The following CHN2 variants were observed in gnomAD, a reference collection of about 807,000 sequenced individuals.
The protein encoded by CHN2 is chimerin 2, also known as beta-chimaerin.
In CHN2, 35 loss-of-function variants were observed where a neutral mutation model predicts 56.3. The observed-to-expected ratio is 0.62, with a 90% confidence interval of 0.47 to 0.82. The LOEUF is 0.82. Ranked by LOEUF, CHN2 falls within the 40% of genes least tolerant of loss-of-function variation. CHN2 has a pLI of 0.00. For missense variants in CHN2, 491 were observed against 580.5 expected (o/e 0.85, Z 1.58); for synonymous variants, 210 against 212.8 (o/e 0.99, Z 0.12).
chr7:29,185,892 G>A (rs1304657279), intron 2 of CHN2, among the ~76,000 whole-genome samples: 1 of 152,184 alleles, frequency 6.6e-6, no homozygotes, highest in Non-Finnish European at 1.5e-5. Flanking sequence ...TGTCCTATGT[G>A]TTGGTCCCTC....
rs570062273 is a variant in CHN2 at position 29,233,349 on chromosome 7, C to T, written c.49+38359C>T. The stretch of plus-strand genomic sequence containing the variant: ...TGTCTTCATCTTTTATTGTTGTCAC[C>T]TGGTGAGGACCACATCAGAAAGTTT... On this transcript the variant is annotated intron_variant, in intron 1 of 12. Coordinates refer to ENST00000222792, the MANE Select transcript of CHN2 (RefSeq NM_004067.4). 1.2e-4 allele frequency among the ~76,000 whole-genome samples: 19 copies of T among 152,318 alleles called. No homozygotes were observed. In the South Asian group the frequency reaches 3.9e-3, roughly 32 times the overall value.
intron 1 of CHN2, among the ~76,000 whole-genome samples, chr7:29,297,578 T>TG (rs1793281369): frequency 6.6e-6 from 1 of 151,466 alleles, no homozygotes; most frequent in Non-Finnish European, 1.5e-5. Flanking sequence ...CGAAACAAGG[T>TG]GGGGGGAGGG....
intron 7 of CHN2, among the ~76,000 whole-genome samples, chr7:29,491,096 A>T (rs1308052215): frequency 2.0e-5 from 3 of 152,126 alleles, no homozygotes; most frequent in Non-Finnish European, 4.4e-5. Flanking sequence ...GGTAAAAATA[A>T]ATCTCTATTA....
chr7:29,351,870 C>T (rs940821872), intron 1 of CHN2, among the ~76,000 whole-genome samples: 1 of 152,188 alleles, frequency 6.6e-6, no homozygotes, highest in African/African-American at 2.4e-5. Context: ...GAGGATTTTA[C>T]ACCAGGAAGT....
At position 29,271,444 on chromosome 7, in the gene CHN2, T is replaced by G. The variant is rs566273624; in HGVS notation, c.49+76454T>G. On this transcript the variant is annotated intron_variant, in intron 1 of 12. Transcript: ENST00000222792. ...AATTCAAAAACGTTCCCAGTCCCTTTCCGTTTCTCAGACGCCCTCTGGGCT... is the reference window on the plus strand; with the variant it reads ...AATTCAAAAACGTTCCCAGTCCCTTGCCGTTTCTCAGACGCCCTCTGGGCT... 3.9e-5 allele frequency among the ~76,000 whole-genome samples: 6 copies of G among 152,340 alleles called. No individual in the cohort carries two copies. In the East Asian group the frequency reaches 1.2e-3, roughly 29 times the overall value.
intron 6 of CHN2, among the ~76,000 whole-genome samples, chr7:29,446,416 T>C (rs190769780): frequency 6.6e-6 from 1 of 152,210 alleles, no homozygotes; most frequent in Non-Finnish European, 1.5e-5. Context: ...TGTGTATCTA[T>C]ATCTCAAAAG....
intron 1 of CHN2, among the ~76,000 whole-genome samples, chr7:29,322,492 C>T (rs944608233): frequency 2.0e-5 from 3 of 152,118 alleles, no homozygotes; most frequent in African/African-American, 4.8e-5. Flanking sequence ...CCTCTTCCTA[C>T]TCCTCCTCCT....
chr7:29,465,858 A>G (rs762836688), intron 6 of CHN2, among the ~76,000 whole-genome samples: 1 of 152,214 alleles, frequency 6.6e-6, no homozygotes, highest in Non-Finnish European at 1.5e-5. Flanking sequence ...AAATTAAACT[A>G]GAAAACTTTT....
At chr7:29,201,078 C>T (rs1029032845) in intron 1 of CHN2, among the ~76,000 whole-genome samples, 1 of 152,220 alleles carries the variant, frequency 6.6e-6, no homozygotes, top group Non-Finnish European at 1.5e-5. Context: ...AACAGTTTGG[C>T]CTGTCAAAAT....
chr7:29,221,364 CTT>C (rs879632163), intron 1 of CHN2, among the ~76,000 whole-genome samples: 1 of 152,170 alleles, frequency 6.6e-6, no homozygotes, highest in Non-Finnish European at 1.5e-5. Context: ...AATCAAGTCT[CTT>C]TATACTAGCA....
At chr7:29,500,978 G>A (rs2128579356) in intron 9 of CHN2, among the ~76,000 whole-genome samples, 1 of 152,274 alleles carries the variant, frequency 6.6e-6, no homozygotes, top group East Asian at 1.9e-4. Flanking sequence ...TAATTTGGGT[G>A]ATTTGGCCAT....
intron 10 of CHN2, among the ~76,000 whole-genome samples, chr7:29,506,240 A>T (rs1379466383): frequency 6.6e-6 from 1 of 152,092 alleles, no homozygotes; most frequent in Non-Finnish European, 1.5e-5. Context: ...GCAGGTCAAA[A>T]CTTCTGTGCT....
intron 2 of CHN2, among the ~76,000 whole-genome samples, chr7:29,167,101 A>G (rs1335466529): frequency 1.3e-5 from 2 of 152,158 alleles, no homozygotes; most frequent in African/African-American, 4.8e-5. Flanking sequence ...TCAATACCTT[A>G]AATCTGTCCC....
intron 9 of CHN2, among the ~76,000 whole-genome samples, chr7:29,500,677 G>T (rs957715834): frequency 2.8e-4 from 42 of 152,196 alleles, no homozygotes; most frequent in African/African-American, 1.0e-3. Context: ...TATGGCAGAG[G>T]TGAGGCTTGA....
intron 4 of CHN2, among the ~76,000 whole-genome samples, chr7:29,395,584 C>T (rs1286459148): frequency 2.0e-5 from 3 of 152,056 alleles, no homozygotes; most frequent in South Asian, 2.1e-4. Flanking sequence ...AGGGAAAATA[C>T]CCATAGTTCT....
rs573897380 is a variant in CHN2 at position 29,386,438 on chromosome 7, A to G, written c.145-7241A>G. Among the ~76,000 whole-genome samples the G allele has an allele frequency of 4.6e-5, 7 of 152,290 alleles. No individual in the cohort carries two copies. The South Asian group carries it at 6.2e-4, about 14-fold the overall frequency. ...TAAGTCGGGTTTTTAAATTATTTCT[A>G]TTAAGTAAAAACTTAACATATACCA... On this transcript the variant is annotated intron_variant, in intron 3 of 12. Transcript: ENST00000222792.
intron 6 of CHN2, among the ~76,000 whole-genome samples, chr7:29,430,615 T>G (rs1309511778): frequency 6.6e-6 from 1 of 151,984 alleles, no homozygotes; most frequent in Non-Finnish European, 1.5e-5. Flanking sequence ...CGAGAGTAGT[T>G]TACACATCAA....
chr7:29,498,758 C>CTTTTTTTTTTTTT (rs138784356), intron 8 of CHN2, among the ~76,000 whole-genome samples: 1 of 100,078 alleles, frequency 1.0e-5, no homozygotes, highest in African/African-American at 4.3e-5. Context: ...ACTATGCTGC[C>CTTTTTTTTTTTTT]TTTTTTTTTT....
At chr7:29,281,012 C>T (rs1234819664) in intron 1 of CHN2, among the ~76,000 whole-genome samples, 3 of 152,174 alleles carry the variant, frequency 2.0e-5, no homozygotes, top group Admixed American at 2.0e-4. Flanking sequence ...CTTATAAACA[C>T]TATTATATAC....
Sources: gnomAD v4.1 joint callset for allele counts (sites outside exome capture counted in the v4.1 genomes callset) on GRCh38, gnomAD v4.1.1 for gene constraint, MANE v1.5 for transcripts, NCBI Gene and HGNC (gene_info 2026-07-23, HGNC 2026-07-21) for gene names.